Variants in HECW2 observed in about 807,000 individuals in gnomAD.
HECW2 encodes the protein E3 ubiquitin-protein ligase HECW2.
In HECW2, 61 loss-of-function variants were observed where a neutral mutation model predicts 175.2. The ratio of observed to expected loss-of-function variants is 0.35; its 90% CI spans 0.28 to 0.43. The LOEUF (loss-of-function observed/expected upper bound fraction) is 0.43. HECW2 is among the 20% of genes least tolerant of loss of function. The probability of loss-of-function intolerance (pLI) is 1.00; values close to 1 mark genes in which losing one functional copy is unlikely to be tolerated. For missense variants in HECW2, 1,524 were observed against 2,000.5 expected (o/e 0.76, Z 4.54); for synonymous variants, 671 against 731.0 (o/e 0.92, Z 1.32).
intron 1 of HECW2, among the ~76,000 whole-genome samples, chr2:196,537,637 C>T (rs778254224): frequency 2.6e-5 from 4 of 152,086 alleles, no homozygotes; most frequent in African/African-American, 2.4e-5. Flanking sequence ...GAAAATGAGG[C>T]TGAGACTTGC....
intron 1 of HECW2, among the ~76,000 whole-genome samples, chr2:196,552,566 C>G (rs888634107): frequency 2.0e-5 from 3 of 152,184 alleles, no homozygotes; most frequent in Admixed American, 2.0e-4. Flanking sequence ...GAGCATGGTA[C>G]AAAACAGTTC....
At chr2:196,583,271 T>C (rs916639856) in intron 1 of HECW2, among the ~76,000 whole-genome samples, 36 of 152,160 alleles carry the variant, frequency 2.4e-4, no homozygotes, top group Admixed American at 6.5e-5. Flanking sequence ...CTATATGAAG[T>C]AGCAAAATTC....
intron 1 of HECW2, among the ~76,000 whole-genome samples, chr2:196,518,908 C>T (rs1160134927): frequency 1.3e-5 from 2 of 152,156 alleles, no homozygotes; most frequent in Non-Finnish European, 2.9e-5. Flanking sequence ...TGGCGTCTGT[C>T]TCCACTACTA....
At chr2:196,405,643 G>A (rs528025020) in intron 2 of HECW2, among the ~76,000 whole-genome samples, 1 of 152,028 alleles carries the variant, frequency 6.6e-6, no homozygotes, top group African/African-American at 2.4e-5. Context: ...CCCTCCTTGT[G>A]CACATCAATG....
chr2:196,502,001 A>G (rs1256094903), intron 1 of HECW2, among the ~76,000 whole-genome samples: 1 of 152,224 alleles, frequency 6.6e-6, no homozygotes, highest in Non-Finnish European at 1.5e-5. Flanking sequence ...GGCTTAGATT[A>G]CAATCACTCA....
In HECW2 at chr2:196,409,926, C is replaced by G. The variant is rs754795596; in HGVS notation, c.292+23206G>C. Among the ~76,000 whole-genome samples the G allele has an allele frequency of 3.3e-5, 5 of 152,268 alleles. 1 individual carries two copies. The highest frequency in any genetic ancestry group is 4.1e-4 in the South Asian group (2 of 4,820). On this transcript the variant is annotated intron_variant, in intron 2 of 28. Transcript: ENST00000644978. ...TGCGTATTACCCACAAAACCTGGCA[C>G]AAGAATCATAAAAAGATTTGCTAAA...
Position 196,194,858 on chromosome 2 carries a change from A to G in HECW2, c.*6419T>C, listed in dbSNP as rs1351494157. The stretch of plus-strand genomic sequence containing the variant: ...GTAATGACTGAGGTTGGTGAAGAGA[A>G]ATTAAAAGCTTAAAAAAATACACCA... On this transcript the variant is annotated 3_prime_UTR_variant, in exon 29 of 29. Transcript: ENST00000644978. The G allele has an allele frequency of 6.6e-6, 1 of 152,182 alleles. No homozygotes were observed. The highest frequency in any genetic ancestry group is 1.9e-4 in the East Asian group (1 of 5,200). The allele number at this position is 152,182 out of a possible 1,614,324, so 9.4% of individuals were successfully genotyped here.
At chr2:196,445,770 C>T (rs1006718755) in intron 1 of HECW2, among the ~76,000 whole-genome samples, 52 of 152,262 alleles carry the variant, frequency 3.4e-4, no homozygotes, top group Non-Finnish European at 3.5e-4. Context: ...TGAAACATGG[C>T]ATGCATTTTA....
At chr2:196,441,673 C>G (rs925110950) in intron 1 of HECW2, among the ~76,000 whole-genome samples, 1 of 152,148 alleles carries the variant, frequency 6.6e-6, no homozygotes, top group African/African-American at 2.4e-5. Context: ...AGAGCATTTT[C>G]AGTCATTCAG....
At chr2:196,342,420 A>G (rs1011720972) in intron 3 of HECW2, among the ~76,000 whole-genome samples, 11 of 151,890 alleles carry the variant, frequency 7.2e-5, no homozygotes, top group African/African-American at 2.4e-4. Context: ...AAAAAAAAAA[A>G]AAAGAAAGAA....
chr2:196,398,329 C>T (rs1452894438), intron 2 of HECW2, among the ~76,000 whole-genome samples: 1 of 152,150 alleles, frequency 6.6e-6, no homozygotes, highest in African/African-American at 2.4e-5. Context: ...TGCAGAGAAA[C>T]ACAGACATAT....
chr2:196,400,682 T>A (rs1694792765), intron 2 of HECW2, among the ~76,000 whole-genome samples: 1 of 152,132 alleles, frequency 6.6e-6, no homozygotes. Flanking sequence ...AAAACCTTAC[T>A]AAACATCATC....
At chr2:196,331,694 C>T (rs1692367438) in intron 4 of HECW2, among the ~76,000 whole-genome samples, 1 of 152,160 alleles carries the variant, frequency 6.6e-6, no homozygotes, top group Non-Finnish European at 1.5e-5. Flanking sequence ...CTTCCTGAAA[C>T]AATTCTCAAA....
chr2:196,480,557 A>C (rs1202277833), intron 1 of HECW2, among the ~76,000 whole-genome samples: 1 of 152,212 alleles, frequency 6.6e-6, no homozygotes, highest in Non-Finnish European at 1.5e-5. Context: ...TCAACAAGAC[A>C]GTGCTGGGAC....
Position 196,388,871 on chromosome 2 carries a change from A to G in HECW2, c.292+44261T>C, listed in dbSNP as rs1052485299. ...CAGACACCAGAGTCACTGGTCCACA[A>G]AGCTGCTTTGCTGTTACATAAATTA... On this transcript the variant is annotated intron_variant, in intron 2 of 28. Coordinates refer to ENST00000644978, the MANE Select transcript of HECW2 (RefSeq NM_001348768.2). Among the ~76,000 whole-genome samples, 2 of 152,312 alleles carry G rather than the reference A, an allele frequency of 1.3e-5. 1 individual carries two copies. Among genetic ancestry groups the G allele is most frequent in the South Asian group, 4.1e-4 (2 of 4,828 alleles).
intron 2 of HECW2, among the ~76,000 whole-genome samples, chr2:196,407,903 C>G (rs1192847731): frequency 6.6e-6 from 1 of 152,240 alleles, no homozygotes; most frequent in African/African-American, 2.4e-5. Flanking sequence ...TAACTGAATA[C>G]TCATATCAGA....
chr2:196,266,168 TAAAAAA>T (rs56260949), intron 17 of HECW2, among the ~76,000 whole-genome samples: 1 of 135,216 alleles, frequency 7.4e-6, no homozygotes, highest in African/African-American at 2.7e-5. Flanking sequence ...CCATCTCTAT[TAAAAAA>T]AAAAAAAAAA....
At chr2:196,251,556 A>G (rs538811372) in intron 19 of HECW2, among the ~76,000 whole-genome samples, 4 of 152,212 alleles carry the variant, frequency 2.6e-5, no homozygotes, top group South Asian at 2.1e-4. Flanking sequence ...CAATCTTCCA[A>G]TTTGAGTCTA....
intron 1 of HECW2, among the ~76,000 whole-genome samples, chr2:196,490,385 C>G (rs1186483822): frequency 6.6e-6 from 1 of 152,180 alleles, no homozygotes; most frequent in Non-Finnish European, 1.5e-5. Flanking sequence ...GGAGATATAT[C>G]TGTGCACAAG....
Sources: gnomAD v4.1 joint callset for allele counts (sites outside exome capture counted in the v4.1 genomes callset) on GRCh38, gnomAD v4.1.1 for gene constraint, MANE v1.5 for transcripts, NCBI Gene and HGNC (gene_info 2026-07-23, HGNC 2026-07-21) for gene names.